SHISA9: variants seen among roughly 807,000 people sequenced by gnomAD.
The protein encoded by SHISA9 is protein shisa-9.
SHISA9 carries 13 observed loss-of-function variants against 38.0 expected under a neutral mutation model. The observed-to-expected ratio is 0.34, with a 90% confidence interval of 0.22 to 0.54. The LOEUF (loss-of-function observed/expected upper bound fraction) is 0.54. SHISA9 is among the 20% of genes least tolerant of loss of function. SHISA9 has a pLI of 0.91. For missense variants in SHISA9, 538 were observed against 575.8 expected, an observed-to-expected ratio of 0.93 and a Z score of 0.67; for synonymous variants, 275 against 242.0, an observed-to-expected ratio of 1.14 and a Z score of -1.27.
intron 2 of SHISA9, among the ~76,000 whole-genome samples, chr16:13,092,240 C>G (rs150712744): frequency 0.015 from 2,269 of 152,302 alleles, 46 homozygotes; most frequent in African/African-American, 0.05. Flanking sequence ...CTGTTGGCCC[C>G]TGCTGGGAGG....
chr16:13,393,988 C>G, the SHISA9 span, among the ~76,000 whole-genome samples: 1 of 152,182 alleles, frequency 6.6e-6, no homozygotes, highest in African/African-American at 2.4e-5. Flanking sequence ...ACGTCACGTC[C>G]CACTGTGGGC....
the SHISA9 span, among the ~76,000 whole-genome samples, chr16:13,399,208 C>T: frequency 6.6e-6 from 1 of 151,446 alleles, no homozygotes; most frequent in Admixed American, 6.6e-5. Context: ...GCTGAGGTCA[C>T]ACCACTGCAC....
At chr16:13,281,354 G>A in the SHISA9 span, among the ~76,000 whole-genome samples, 1 of 151,554 alleles carries the variant, frequency 6.6e-6, no homozygotes, top group South Asian at 2.1e-4. Flanking sequence ...CTTACTGTTT[G>A]CATAGTATAT....
the SHISA9 span, among the ~76,000 whole-genome samples, chr16:13,465,149 A>G: frequency 6.6e-6 from 1 of 152,192 alleles, no homozygotes; most frequent in Non-Finnish European, 1.5e-5. Flanking sequence ...GGAGCATTGC[A>G]TTACTCCTGT....
chr16:13,374,735 C>T, the SHISA9 span, among the ~76,000 whole-genome samples: 4 of 152,192 alleles, frequency 2.6e-5, no homozygotes, highest in African/African-American at 9.7e-5. Context: ...CTTGAGGAAT[C>T]GCCACACTGT....
the SHISA9 span, among the ~76,000 whole-genome samples, chr16:13,487,292 G>A: frequency 4.6e-5 from 7 of 152,276 alleles, no homozygotes; most frequent in Non-Finnish European, 8.8e-5. Flanking sequence ...AGAAATACCC[G>A]AGACTCGGTA....
At chr16:12,943,564 T>G (rs1211525084) in intron 2 of SHISA9, among the ~76,000 whole-genome samples, 1 of 152,178 alleles carries the variant, frequency 6.6e-6, no homozygotes, top group African/African-American at 2.4e-5. Context: ...TGATAAGATG[T>G]GTAAACTGCC....
the SHISA9 span, among the ~76,000 whole-genome samples, chr16:13,329,077 C>T: frequency 1.7e-4 from 26 of 152,130 alleles, 1 homozygote; most frequent in South Asian, 8.3e-4. Context: ...TGCTAAACCT[C>T]ATGTACAGGA....
At chr16:13,508,607 T>C in the SHISA9 span, among the ~76,000 whole-genome samples, 24 of 152,312 alleles carry the variant, frequency 1.6e-4, no homozygotes, top group African/African-American at 5.5e-4. Flanking sequence ...GAGATGTACA[T>C]GTGTCAGCAT....
chr16:13,091,222 G>A (rs916320604), intron 2 of SHISA9, among the ~76,000 whole-genome samples: 13 of 152,274 alleles, frequency 8.5e-5, no homozygotes, highest in Middle Eastern at 3.4e-3. Context: ...CTCTCTGGCT[G>A]CCCTTAACAC....
At chr16:13,378,402 T>A in the SHISA9 span, among the ~76,000 whole-genome samples, 1 of 152,148 alleles carries the variant, frequency 6.6e-6, no homozygotes, top group African/African-American at 2.4e-5. Context: ...ATTACTAGAG[T>A]GCCTGCCCAC....
At chr16:13,350,715 G>A in the SHISA9 span, 4 of 152,168 alleles carry the variant, frequency 2.6e-5, no homozygotes, top group Non-Finnish European at 5.9e-5. Flanking sequence ...CCTCCAAGAT[G>A]ACCCTAAGCT....
chr16:13,106,007 C>A (rs1045290203), intron 2 of SHISA9, among the ~76,000 whole-genome samples: 1 of 152,168 alleles, frequency 6.6e-6, no homozygotes, highest in Non-Finnish European at 1.5e-5. Context: ...TAGTGTGCTA[C>A]CTTCTGCCTC....
At chr16:13,214,934 T>C (rs1055799417) in intron 4 of SHISA9, among the ~76,000 whole-genome samples, 9 of 151,978 alleles carry the variant, frequency 5.9e-5, no homozygotes, top group African/African-American at 2.2e-4. Flanking sequence ...AGCCAAACCA[T>C]ATCAATAGTT....
At chr16:13,133,584 GAAA>G (rs2050323428) in intron 2 of SHISA9, among the ~76,000 whole-genome samples, 1 of 152,162 alleles carries the variant, frequency 6.6e-6, no homozygotes, top group African/African-American at 2.4e-5. Flanking sequence ...CATTGTATAT[GAAA>G]AGCGGACTAT....
chr16:13,034,060 G>T (rs1351989417), intron 2 of SHISA9, among the ~76,000 whole-genome samples: 1 of 151,732 alleles, frequency 6.6e-6, no homozygotes, highest in Non-Finnish European at 1.5e-5. Flanking sequence ...CAGGAGAGTC[G>T]CTTGAACCTG....
intron 2 of SHISA9, among the ~76,000 whole-genome samples, chr16:13,010,286 A>G (rs2072655523): frequency 6.6e-6 from 1 of 152,240 alleles, no homozygotes; most frequent in Non-Finnish European, 1.5e-5. Flanking sequence ...GCAGGTTGAC[A>G]TTAAGGACAT....
the SHISA9 span, among the ~76,000 whole-genome samples, chr16:13,327,558 G>A: frequency 6.6e-6 from 1 of 152,002 alleles, no homozygotes; most frequent in Admixed American, 6.5e-5. Context: ...AGAGGTTGCA[G>A]TGAGCTGAGA....
At chr16:13,310,823 A>G in the SHISA9 span, among the ~76,000 whole-genome samples, 1 of 151,638 alleles carries the variant, frequency 6.6e-6, no homozygotes, top group Non-Finnish European at 1.5e-5. Context: ...AGCTGGGACT[A>G]CAGGGGCCTG....
Sources: allele counts gnomAD v4.1 joint callset (sites outside exome capture counted in the v4.1 genomes callset), GRCh38; gene constraint gnomAD v4.1.1; transcripts MANE v1.5; gene names NCBI Gene and HGNC (gene_info 2026-07-23, HGNC 2026-07-21).